The following DNAI1 variants were observed in gnomAD, a reference collection of about 807,000 sequenced individuals.
DNAI1 encodes the protein dynein, axonemal, intermediate polypeptide 1.
DNAI1 carries 67 observed loss-of-function variants against 92.0 expected under a neutral mutation model. The observed-to-expected ratio is 0.73, with a 90% CI of 0.60 to 0.89. The LOEUF is 0.89. Ranked by LOEUF, DNAI1 falls within the 40% of genes least tolerant of loss-of-function variation. DNAI1 has a pLI of 0.00. For synonymous variants in DNAI1, 323 were observed against 319.6 expected (o/e 1.01, Z -0.11); for missense variants, 839 against 866.6 (o/e 0.97, Z 0.40).
intron 19 of DNAI1, among the ~76,000 whole-genome samples, 181 bp from the exon 20 acceptor site, chr9:34,520,477 G>A (rs1825256047): frequency 6.6e-6 from 1 of 152,160 alleles, no homozygotes; most frequent in Non-Finnish European, 1.5e-5. Context: ...CTGAGCCCCT[G>A]TGTCACCTAA....
At chr9:34,509,908 A>G (rs1457950163) in intron 13 of DNAI1, among the ~76,000 whole-genome samples, 1 of 151,870 alleles carries the variant, frequency 6.6e-6, no homozygotes, top group East Asian at 1.9e-4. Flanking sequence ...TCAAAAAAAA[A>G]AAAAAAAGAA....
At chr9:34,506,381 A>G (rs1485054896) in intron 12 of DNAI1, among the ~76,000 whole-genome samples, 1 of 152,162 alleles carries the variant, frequency 6.6e-6, no homozygotes, top group Admixed American at 6.5e-5. Context: ...CTTGGGGAGA[A>G]TTAGGAGAAT....
At chr9:34,486,691 T>C (rs1016560222) in intron 4 of DNAI1, among the ~76,000 whole-genome samples, 11 of 152,318 alleles carry the variant, frequency 7.2e-5, no homozygotes, top group African/African-American at 2.6e-4. Context: ...TTTTAGTACA[T>C]TTATGGGTTG....
At chr9:34,504,038 T>C (rs1008099504) in intron 12 of DNAI1, among the ~76,000 whole-genome samples, 1 of 152,144 alleles carries the variant, frequency 6.6e-6, no homozygotes, top group Non-Finnish European at 1.5e-5. Flanking sequence ...GCATGGATGG[T>C]GGAACAGATC....
In DNAI1 at chr9:34,500,705, G is replaced by T. The variant is rs1207331012; in HGVS notation, c.902-17G>T. Reference sequence around the variant, plus strand: ...AAGCGGCAGTCCCAGGGCTGACTCTGCCTGTGTGTGTTTAAGATTTTAAGT... The same window carrying T: ...AAGCGGCAGTCCCAGGGCTGACTCTTCCTGTGTGTGTTTAAGATTTTAAGT... On this transcript the variant is annotated splice_polypyrimidine_tract_variant and intron_variant, in intron 10 of 19. Coordinates refer to ENST00000242317, the MANE Select transcript of DNAI1 (RefSeq NM_012144.4). 3 of 1,596,174 alleles carry T rather than the reference G, an allele frequency of 1.9e-6. No homozygotes were observed. The Admixed American group carries it at 5.0e-5, about 27-fold the overall frequency.
intron 1 of DNAI1, among the ~76,000 whole-genome samples, chr9:34,465,638 G>A (rs1267595299): frequency 3.9e-5 from 6 of 152,170 alleles, no homozygotes; most frequent in African/African-American, 1.4e-4. Context: ...TGTACTAGGG[G>A]GCCTAGCACA....
chr9:34,493,709 A>G (rs1221917861), intron 9 of DNAI1, among the ~76,000 whole-genome samples: 2 of 152,160 alleles, frequency 1.3e-5, no homozygotes, highest in African/African-American at 4.8e-5. Context: ...GATCTGGGAA[A>G]GTGAGATGTT....
chr9:34,491,381 T>C lies in DNAI1; in HGVS notation c.622-114T>C, dbSNP rs1228334109. 4 of 1,054,050 alleles carry C rather than the reference T, an allele frequency of 3.8e-6. No homozygotes were observed. The African/African-American group carries it at 4.7e-5, about 12-fold the overall frequency. The allele number at this position is 1,054,050 out of a possible 1,614,324, so 65.3% of individuals were successfully genotyped here. A position where few individuals can be genotyped will look rare whatever the true frequency, so the allele number is the denominator to read the frequency against. On this transcript the variant is annotated intron_variant, in intron 7 of 19. Coordinates refer to ENST00000242317, the MANE Select transcript of DNAI1 (RefSeq NM_012144.4). ...GCCCCTCTTTACTTCCCCAGCTCTG[T>C]GTCCCAAACCTCCATCAGCCCCAGC...
intron 1 of DNAI1, among the ~76,000 whole-genome samples, chr9:34,468,956 G>T (rs568207444): frequency 1.3e-5 from 2 of 152,210 alleles, no homozygotes; most frequent in African/African-American, 2.4e-5. Context: ...TGGAACATGG[G>T]TGTAGTTGGA....
chr9:34,481,685 G>A (rs901955657), intron 1 of DNAI1, among the ~76,000 whole-genome samples: 1 of 152,192 alleles, frequency 6.6e-6, no homozygotes, highest in African/African-American at 2.4e-5. Flanking sequence ...GAGTGAAGCT[G>A]CAGACCTTCA....
chr9:34,495,483 C>T (rs1176440587), intron 9 of DNAI1, among the ~76,000 whole-genome samples: 1 of 152,184 alleles, frequency 6.6e-6, no homozygotes, highest in African/African-American at 2.4e-5. Context: ...ACCTACTTTG[C>T]AAGATTTTCA....
intron 1 of DNAI1, among the ~76,000 whole-genome samples, chr9:34,471,464 A>G (rs1020079245): frequency 4.8e-4 from 72 of 148,856 alleles, no homozygotes; most frequent in Non-Finnish European, 8.7e-4. Flanking sequence ...AAAAAAAAAG[A>G]AAAGAAAAGG....
chr9:34,492,493 GATATATATATATATAT>G (rs752863173), intron 8 of DNAI1, among the ~76,000 whole-genome samples: 3,583 of 68,248 alleles, frequency 0.052, 303 homozygotes, highest in Admixed American at 0.073. Flanking sequence ...GGGATATGAA[GATATATATATATATAT>G]ATATATATAT....
At chr9:34,485,576 C>G in intron 4 of DNAI1, 59 bp downstream of exon 4, 1 of 1,515,222 alleles carries the variant, frequency 6.6e-7, no homozygotes, top group South Asian at 1.1e-5. Context: ...GTGACAGTGA[C>G]TTGCTACATT....
chr9:34,499,357 A>G (rs1322262757), intron 10 of DNAI1, among the ~76,000 whole-genome samples: 2 of 152,228 alleles, frequency 1.3e-5, no homozygotes, highest in Non-Finnish European at 2.9e-5. Context: ...GACAGGATTC[A>G]TTTTCTAATT....
In DNAI1 at chr9:34,514,622, C is replaced by T; in HGVS notation, c.1719-18C>T. The T allele has an allele frequency of 6.2e-6, 10 of 1,614,204 alleles. No individual in the cohort carries two copies. The highest frequency in any genetic ancestry group is 1.3e-5 in the African/African-American group (1 of 75,050). ...TGAGCCCTCTGTGCCATGGGCTTTC[C>T]ACCCTCCACCTCTGCAGGACCCCGA... On this transcript the variant is annotated intron_variant, in intron 17 of 19. Coordinates refer to ENST00000242317, the MANE Select transcript of DNAI1 (RefSeq NM_012144.4).
chr9:34,500,673 T>C (rs766126881), intron 10 of DNAI1, 49 bp from the exon 11 acceptor site: 2 of 1,378,860 alleles, frequency 1.5e-6, no homozygotes, highest in African/African-American at 2.8e-5. Context: ...GACCTGGGTT[T>C]GCCATAAAGC....
intron 4 of DNAI1, 96 bp downstream of exon 4, chr9:34,485,613 G>A: frequency 3.3e-6 from 4 of 1,211,226 alleles, no homozygotes; most frequent in East Asian, 5.0e-5. Flanking sequence ...AATTCTAGAG[G>A]AGAGCACTTT....
intron 13 of DNAI1, among the ~76,000 whole-genome samples, chr9:34,510,568 G>A (rs1018941081): frequency 1.3e-5 from 2 of 151,982 alleles, no homozygotes; most frequent in African/African-American, 2.4e-5. Context: ...TATTCCTACC[G>A]GCTCACCTCC....
Sources: gnomAD v4.1 joint callset for allele counts (sites outside exome capture counted in the v4.1 genomes callset) on GRCh38, gnomAD v4.1.1 for gene constraint, MANE v1.5 for transcripts, NCBI Gene and HGNC (gene_info 2026-07-23, HGNC 2026-07-21) for gene names.